Variants in NALCN observed in about 807,000 individuals in gnomAD.
The protein encoded by NALCN is sodium leak channel, non-selective.
A neutral mutation model predicts 225.3 loss-of-function variants in NALCN; 111 were observed. The ratio of observed to expected loss-of-function variants is 0.49; its 90% CI spans 0.42 to 0.58. NALCN has a LOEUF of 0.58. NALCN is among the 20% of genes least tolerant of loss of function. NALCN has a pLI of 0.00. For synonymous variants in NALCN, 764 were observed against 769.0 expected, an observed-to-expected ratio of 0.99 and a Z score of 0.11; for missense variants, 1,378 against 2,202.4, an observed-to-expected ratio of 0.63 and a Z score of 7.49.
intron 6 of NALCN, among the ~76,000 whole-genome samples, chr13:101,358,427 C>T (rs1057290418): frequency 6.6e-6 from 1 of 151,948 alleles, no homozygotes; most frequent in Non-Finnish European, 1.5e-5. Context: ...ATTTATGCAG[C>T]CAAAAAACAT....
chr13:101,134,565 T>G (rs1006877024), intron 17 of NALCN, among the ~76,000 whole-genome samples: 1 of 152,230 alleles, frequency 6.6e-6, no homozygotes, highest in Non-Finnish European at 1.5e-5. Flanking sequence ...CTTATATATT[T>G]TAATGTAGTT....
At chr13:101,163,126 C>T (rs778519510) in intron 15 of NALCN, among the ~76,000 whole-genome samples, 34 of 152,236 alleles carry the variant, frequency 2.2e-4, no homozygotes, top group Non-Finnish European at 2.9e-4. Context: ...TAGTCTCAAA[C>T]TCCTGACCAC....
At chr13:101,331,935 A>T (rs2045188576) in intron 7 of NALCN, among the ~76,000 whole-genome samples, 1 of 152,084 alleles carries the variant, frequency 6.6e-6, no homozygotes. Flanking sequence ...TGCTTTGGGA[A>T]CTATCCCCAG....
Position 101,312,657 on chromosome 13 carries a change from G to A in NALCN, c.800-20291C>T, listed in dbSNP as rs1394007364. 8.5e-5 allele frequency among the ~76,000 whole-genome samples: 13 copies of A among 152,234 alleles called. No individual in the cohort carries two copies. In the East Asian group the frequency reaches 2.3e-3, roughly 27 times the overall value. On this transcript the variant is annotated intron_variant, in intron 7 of 43. Coordinates refer to ENST00000251127, the MANE Select transcript of NALCN (RefSeq NM_052867.4). Reference sequence around the variant, plus strand: ...CAGGAGCAGGTTGTTCAGTTTCCATGTAGTTGAGCGGTTTTGAGTGAGTTT... The same window carrying A: ...CAGGAGCAGGTTGTTCAGTTTCCATATAGTTGAGCGGTTTTGAGTGAGTTT...
chr13:101,256,768 T>TTC (rs1350465662), intron 11 of NALCN, among the ~76,000 whole-genome samples: 2 of 149,618 alleles, frequency 1.3e-5, no homozygotes, highest in African/African-American at 4.9e-5. Flanking sequence ...CTTTCTGCTT[T>TTC]TTTTTTTTTT....
At chr13:101,205,963 C>A (rs1487249315) in intron 13 of NALCN, among the ~76,000 whole-genome samples, 1 of 151,970 alleles carries the variant, frequency 6.6e-6, no homozygotes, top group African/African-American at 2.4e-5. Flanking sequence ...CAATACTATG[C>A]TCAAAAATAA....
intron 11 of NALCN, 70 bp downstream of exon 11, chr13:101,258,373 T>C (rs2042308409): frequency 1.3e-6 from 2 of 1,589,800 alleles, no homozygotes; most frequent in Non-Finnish European, 1.7e-6. Flanking sequence ...CACTTTTGCA[T>C]CTCTAAGAGG....
intron 15 of NALCN, among the ~76,000 whole-genome samples, chr13:101,159,110 A>C (rs950473669): frequency 1.3e-5 from 2 of 152,238 alleles, no homozygotes; most frequent in African/African-American, 4.8e-5. Context: ...GTGAAAAAAT[A>C]ATAGGAAAGT....
chr13:101,224,858 G>A (rs2041077901), intron 13 of NALCN, among the ~76,000 whole-genome samples: 1 of 152,048 alleles, frequency 6.6e-6, no homozygotes, highest in Non-Finnish European at 1.5e-5. Flanking sequence ...TTTCAGCCTC[G>A]GAGGGAAATT....
intron 10 of NALCN, among the ~76,000 whole-genome samples, chr13:101,265,101 G>A (rs775465839): frequency 2.4e-4 from 37 of 152,342 alleles, no homozygotes; most frequent in Admixed American, 5.2e-4. Context: ...ATACATGTGT[G>A]TGGTTTTAAG....
At chr13:101,255,449 AC>A (rs5806205) in intron 11 of NALCN, among the ~76,000 whole-genome samples, 70,401 of 151,980 alleles carry the variant, frequency 0.46, 18,112 homozygotes, top group East Asian at 0.58. Flanking sequence ...CCACCTGCCC[AC>A]CCTGTGCTAG....
intron 7 of NALCN, among the ~76,000 whole-genome samples, chr13:101,321,344 TA>T (rs997462778): frequency 6.6e-6 from 1 of 151,952 alleles, no homozygotes; most frequent in Admixed American, 6.6e-5. Flanking sequence ...AATAAACATA[TA>T]AAAAAATGCT....
intron 38 of NALCN, 35 bp from the exon 39 acceptor site, chr13:101,068,068 T>C: frequency 8.0e-7 from 1 of 1,256,528 alleles, no homozygotes; most frequent in Non-Finnish European, 1.1e-6. Context: ...AGTTAGACCA[T>C]TATGCTAATC....
At chr13:101,393,233 G>C (rs1442845662) in intron 3 of NALCN, among the ~76,000 whole-genome samples, 2 of 152,126 alleles carry the variant, frequency 1.3e-5, no homozygotes, top group African/African-American at 4.8e-5. Flanking sequence ...ACTCTCAAAA[G>C]GGAAATGCAA....
chr13:101,208,513 T>G (rs2040406762), intron 13 of NALCN, among the ~76,000 whole-genome samples: 1 of 152,270 alleles, frequency 6.6e-6, no homozygotes, highest in Non-Finnish European at 1.5e-5. Flanking sequence ...AATATGTCTT[T>G]TAATCATTCA....
intron 18 of NALCN, 72 bp from the exon 19 acceptor site, chr13:101,111,298 A>G (rs2035423568): frequency 1.6e-6 from 2 of 1,258,382 alleles, no homozygotes; most frequent in Admixed American, 4.3e-5. Context: ...ATAAGTGCTC[A>G]TTACTTTTAT....
At chr13:101,088,766 C>T (rs1387990536) in intron 30 of NALCN, among the ~76,000 whole-genome samples, 1 of 152,204 alleles carries the variant, frequency 6.6e-6, no homozygotes, top group Non-Finnish European at 1.5e-5. Context: ...CAAACTCACA[C>T]TTTGATAGGA....
intron 7 of NALCN, among the ~76,000 whole-genome samples, chr13:101,319,967 C>T (rs1594669773): frequency 6.6e-6 from 1 of 152,146 alleles, no homozygotes; most frequent in Non-Finnish European, 1.5e-5. Flanking sequence ...AACACACAAT[C>T]CCTAAAGCCA....
chr13:101,414,476 G>A (rs1322177667), intron 1 of NALCN, among the ~76,000 whole-genome samples: 1 of 152,074 alleles, frequency 6.6e-6, no homozygotes, highest in Non-Finnish European at 1.5e-5. Flanking sequence ...GAAATTATCT[G>A]AACATCATCG....
Sources: allele counts gnomAD v4.1 joint callset (sites outside exome capture counted in the v4.1 genomes callset), GRCh38; gene constraint gnomAD v4.1.1; transcripts MANE v1.5; gene names NCBI Gene and HGNC (gene_info 2026-07-23, HGNC 2026-07-21).